GPD2: variants seen among roughly 807,000 people sequenced by gnomAD.
The protein encoded by GPD2 is glycerol-3-phosphate dehydrogenase, mitochondrial.
A neutral mutation model predicts 82.4 loss-of-function variants in GPD2; 54 were observed. The observed-to-expected ratio is 0.66, with a 90% confidence interval of 0.53 to 0.82. The LOEUF (loss-of-function observed/expected upper bound fraction) is 0.82. Ranked by LOEUF, GPD2 falls within the 40% of genes least tolerant of loss-of-function variation. GPD2 has a pLI of 0.00. For synonymous variants in GPD2, 288 were observed against 306.1 expected, an observed-to-expected ratio of 0.94 and a Z score of 0.62; for missense variants, 748 against 896.2, an observed-to-expected ratio of 0.83 and a Z score of 2.11.
intron 6 of GPD2, 44 bp from the exon 7 acceptor site, chr2:156,549,564 T>C (rs1195922316): frequency 3.8e-6 from 6 of 1,568,740 alleles, no homozygotes; most frequent in Non-Finnish European, 5.3e-6. Context: ...AGTCTGTGGC[T>C]CGAGGTGACT....
intron 3 of GPD2, among the ~76,000 whole-genome samples, chr2:156,496,468 T>C (rs1490030578): frequency 6.6e-6 from 1 of 151,950 alleles, no homozygotes; most frequent in Admixed American, 6.6e-5. Context: ...CAGAGGTAAG[T>C]CTTGATGTGG....
intron 1 of GPD2, among the ~76,000 whole-genome samples, chr2:156,452,019 C>G (rs1682620668): frequency 6.6e-6 from 1 of 152,070 alleles, no homozygotes. Context: ...AGATGCTTCT[C>G]TCTTCCTAGA....
At chr2:156,576,154 G>A (rs143123516) in intron 13 of GPD2, among the ~76,000 whole-genome samples, 1 of 152,298 alleles carries the variant, frequency 6.6e-6, no homozygotes, top group African/African-American at 2.4e-5. Flanking sequence ...AACTGTGAAT[G>A]CATAGCCGTT....
the GPD2 span, among the ~76,000 whole-genome samples, chr2:156,404,686 C>CAAAAAAAA: frequency 2.3e-4 from 15 of 64,376 alleles, no homozygotes; most frequent in African/African-American, 6.4e-4. Context: ...TTAAAAATAC[C>CAAAAAAAA]AAAAAAAAAA....
chr2:156,541,467 A>G (rs952299270), intron 6 of GPD2, among the ~76,000 whole-genome samples: 1 of 152,292 alleles, frequency 6.6e-6, no homozygotes, highest in Admixed American at 6.5e-5. Context: ...CCACAGTAGT[A>G]CTTAGCTTAG....
rs1165293946 is a variant in GPD2 at position 156,585,957 on chromosome 2, G to A, written c.*3039G>A. The A allele has an allele frequency of 1.3e-5, 2 of 152,320 alleles. No individual in the cohort carries two copies. The highest frequency in any genetic ancestry group is 2.4e-5 in the African/African-American group (1 of 41,384). 9.4% of individuals were successfully genotyped at this position (152,320 alleles called of 1,614,324 possible). On this transcript the variant is annotated 3_prime_UTR_variant, in exon 17 of 17. Transcript: ENST00000438166. Reference sequence around the variant, plus strand: ...CATGTTGGGTTATTGTTCTAGACTGGACTGTTAAATACTATGTTTGAGGCT... The same window carrying A: ...CATGTTGGGTTATTGTTCTAGACTGAACTGTTAAATACTATGTTTGAGGCT...
At chr2:156,409,986 C>T in the GPD2 span, among the ~76,000 whole-genome samples, 1 of 152,092 alleles carries the variant, frequency 6.6e-6, no homozygotes, top group African/African-American at 2.4e-5. Context: ...TTTGAGGCTA[C>T]AGTGTGCTAT....
intron 2 of GPD2, among the ~76,000 whole-genome samples, chr2:156,489,733 TC>T (rs1684093766): frequency 2.2e-5 from 2 of 91,162 alleles, no homozygotes; most frequent in Non-Finnish European, 4.1e-5. Context: ...CCTCCCTCCC[TC>T]CCTCCCTCCC....
At position 156,585,768 on chromosome 2, in the gene GPD2, A is replaced by G. The variant is rs1447735736; in HGVS notation, c.*2850A>G. 3.9e-5 allele frequency: 6 copies of G among 152,600 alleles called. No homozygotes were observed. In the East Asian group the frequency reaches 1.2e-3, roughly 30 times the overall value. 9.5% of individuals were successfully genotyped at this position (152,600 alleles called of 1,614,324 possible). A position where few individuals can be genotyped will look rare whatever the true frequency, so the allele number is the denominator to read the frequency against. On this transcript the variant is annotated 3_prime_UTR_variant, in exon 17 of 17. Transcript: ENST00000438166. ...ATCTGTAAAGATTTTTGGCATATGAATGTAATATTAAAGTCAATGATGCTA... is the reference window on the plus strand; with the variant it reads ...ATCTGTAAAGATTTTTGGCATATGAGTGTAATATTAAAGTCAATGATGCTA...
chr2:156,421,178 G>T, the GPD2 span, among the ~76,000 whole-genome samples: 3 of 152,274 alleles, frequency 2.0e-5, no homozygotes, highest in Non-Finnish European at 2.9e-5. Flanking sequence ...ATCTAGAATA[G>T]GTTGTTCAAT....
chr2:156,482,936 T>G (rs1452428660), intron 2 of GPD2, among the ~76,000 whole-genome samples: 1 of 152,162 alleles, frequency 6.6e-6, no homozygotes, highest in South Asian at 2.1e-4. Flanking sequence ...GGCAAAGTGA[T>G]GCATGGATAA....
At chr2:156,565,207 G>C (rs1687340772) in intron 9 of GPD2, among the ~76,000 whole-genome samples, 1 of 152,080 alleles carries the variant, frequency 6.6e-6, no homozygotes, top group African/African-American at 2.4e-5. Context: ...GATCAGTGTG[G>C]CTACCTAAGG....
At chr2:156,559,139 C>A (rs1275136083) in intron 9 of GPD2, among the ~76,000 whole-genome samples, 1 of 152,032 alleles carries the variant, frequency 6.6e-6, no homozygotes, top group Non-Finnish European at 1.5e-5. Context: ...CTGGAGAAAC[C>A]ACCTATTCTT....
At chr2:156,415,069 A>C in the GPD2 span, among the ~76,000 whole-genome samples, 2 of 151,708 alleles carry the variant, frequency 1.3e-5, no homozygotes, top group Admixed American at 1.3e-4. Context: ...TCACCCGAGC[A>C]GTATACATTG....
chr2:156,444,628 G>A (rs1682291790), intron 1 of GPD2, among the ~76,000 whole-genome samples: 1 of 152,128 alleles, frequency 6.6e-6, no homozygotes, highest in African/African-American at 2.4e-5. Flanking sequence ...CATGAGAATT[G>A]CTTGAAGCTG....
intron 2 of GPD2, among the ~76,000 whole-genome samples, chr2:156,479,449 A>G (rs1347104853): frequency 1.3e-5 from 2 of 152,164 alleles, no homozygotes; most frequent in Non-Finnish European, 2.9e-5. Flanking sequence ...TAACAATGCT[A>G]TTACTTAGGT....
At chr2:156,477,785 G>A (rs986057428) in intron 2 of GPD2, among the ~76,000 whole-genome samples, 1 of 152,158 alleles carries the variant, frequency 6.6e-6, no homozygotes, top group South Asian at 2.1e-4. Flanking sequence ...CATGCTTGAT[G>A]TACTATTTCT....
intron 1 of GPD2, among the ~76,000 whole-genome samples, chr2:156,448,563 T>C (rs1318756485): frequency 6.6e-6 from 1 of 152,220 alleles, no homozygotes; most frequent in East Asian, 1.9e-4. Context: ...GTATGCATAC[T>C]TTGGATTTGA....
chr2:156,557,834 C>T (rs1687020583), intron 9 of GPD2, among the ~76,000 whole-genome samples: 3 of 152,142 alleles, frequency 2.0e-5, no homozygotes, highest in Admixed American at 2.0e-4. Flanking sequence ...ATCAGAGTAG[C>T]CCCTCTAGCT....
Sources: gnomAD v4.1 joint callset for allele counts (sites outside exome capture counted in the v4.1 genomes callset) on GRCh38, gnomAD v4.1.1 for gene constraint, MANE v1.5 for transcripts, NCBI Gene and HGNC (gene_info 2026-07-23, HGNC 2026-07-21) for gene names.